The following HPCAL1 variants were observed in gnomAD, a reference collection of about 807,000 sequenced individuals.
HPCAL1 encodes the protein hippocalcin-like protein 1.
HPCAL1 carries 8 observed loss-of-function variants against 17.1 expected under a neutral mutation model. The ratio of observed to expected loss-of-function variants is 0.47; its 90% CI spans 0.27 to 0.84. HPCAL1 has a LOEUF of 0.84. Ranked by LOEUF, HPCAL1 falls within the 40% of genes least tolerant of loss-of-function variation. HPCAL1 has a pLI of 0.13. For synonymous variants in HPCAL1, 112 were observed against 111.4 expected (o/e 1.01, Z -0.03); for missense variants, 165 against 271.1 (o/e 0.61, Z 2.75).
chr2:10,349,187 A>G (rs1490095804), intron 1 of HPCAL1, among the ~76,000 whole-genome samples: 1 of 152,210 alleles, frequency 6.6e-6, no homozygotes, highest in African/African-American at 2.4e-5. Context: ...TGAATCTTCA[A>G]AAATAAATTT....
intron 2 of HPCAL1, chr2:10,406,310 C>T (rs1669965069): frequency 6.6e-6 from 1 of 152,456 alleles, no homozygotes; most frequent in Non-Finnish European, 1.5e-5. Flanking sequence ...GCCCTCAGCT[C>T]TGTCCCATCC....
chr2:10,374,568 G>A (rs1228491084), intron 1 of HPCAL1, among the ~76,000 whole-genome samples: 2 of 152,252 alleles, frequency 1.3e-5, no homozygotes, highest in Non-Finnish European at 1.5e-5. Context: ...CCATGCGGGG[G>A]ACAGGGCAAG....
At chr2:10,426,622 C>A in intron 4 of HPCAL1, 102 bp from the exon 5 acceptor site, 1 of 895,338 alleles carries the variant, frequency 1.1e-6, no homozygotes, top group Non-Finnish European at 1.9e-6. Context: ...TCAGGACTTT[C>A]AACAAAGGGA....
intron 1 of HPCAL1, among the ~76,000 whole-genome samples, chr2:10,319,734 T>TTCATTCATTCACTCATTCAC (rs1429855381): frequency 6.6e-6 from 1 of 151,898 alleles, no homozygotes; most frequent in African/African-American, 2.4e-5. Context: ...GGAGCTCCCA[T>TTCATTCATTCACTCATTCAC]TCATTCATTC....
At chr2:10,371,282 C>T (rs1336219303) in intron 1 of HPCAL1, among the ~76,000 whole-genome samples, 1 of 152,108 alleles carries the variant, frequency 6.6e-6, no homozygotes, top group Non-Finnish European at 1.5e-5. Context: ...ACTGTGCCCC[C>T]AGAACTGAGT....
chr2:10,403,012 T>C (rs1669724485), intron 2 of HPCAL1, among the ~76,000 whole-genome samples: 1 of 152,234 alleles, frequency 6.6e-6, no homozygotes, highest in African/African-American at 2.4e-5. Flanking sequence ...GACACATAAA[T>C]TCAAAATTTG....
intron 1 of HPCAL1, among the ~76,000 whole-genome samples, chr2:10,320,467 CCTG>C (rs1159915960): frequency 6.6e-6 from 1 of 152,192 alleles, no homozygotes; most frequent in Non-Finnish European, 1.5e-5. Context: ...GTAGGACGTG[CCTG>C]CTGTCCCTTC....
intron 1 of HPCAL1, among the ~76,000 whole-genome samples, chr2:10,321,922 A>G (rs1013875082): frequency 1.3e-5 from 2 of 152,246 alleles, no homozygotes; most frequent in Non-Finnish European, 2.9e-5. Context: ...CAATGCTGCG[A>G]GGAACAAGTT....
In HPCAL1 at chr2:10,419,788, G is replaced by T. The variant is rs1670919823; in HGVS notation, c.31G>T (p.Glu11Ter). The T allele has an allele frequency of 6.2e-7, 1 of 1,612,936 alleles. No individual in the cohort carries two copies. Among genetic ancestry groups the T allele is most frequent in the Non-Finnish European group, 8.5e-7 (1 of 1,179,518 alleles). ...CAAACAGAACAGCAAGCTGCGGCCC[G>T]AGGTGCTGCAGGACCTGCGGGAGAA... MGKQNSKLRP[E>*]VLQDLRENTE... is the part of the protein sequence containing the mutation. The change falls in exon 3 of 5, where the codon GAG becomes TAG. Residue 11 changes from glutamate (E) to a stop codon, truncating the protein, a stop_gained. Coordinates refer to ENST00000307845, the MANE Select transcript of HPCAL1 (RefSeq NM_002149.4). LOFTEE classifies it high-confidence loss of function. This position sits in a 1 kb window ranked among gnomAD's most constrained non-coding sequence, Gnocchi z 5.0.
At position 10,403,729 on chromosome 2, in the gene HPCAL1, C is replaced by T. The variant is rs183685941; in HGVS notation, c.-25+6809C>T. 3.5e-3 allele frequency among the ~76,000 whole-genome samples: 526 copies of T among 152,148 alleles called. 4 individuals are homozygous for T. Among genetic ancestry groups the T allele is most frequent in the Middle Eastern group, 6.8e-3 (2 of 294 alleles). On this transcript the variant is annotated intron_variant, in intron 2 of 4. Coordinates refer to ENST00000307845, the MANE Select transcript of HPCAL1 (RefSeq NM_002149.4). Reference sequence around the variant, plus strand: ...AACTCCTGACTTCAGGTGATCCGCCCACCTCACCCTCCCAAAGTGCTGGGA... The same window carrying T: ...AACTCCTGACTTCAGGTGATCCGCCTACCTCACCCTCCCAAAGTGCTGGGA...
rs1053347886 is a variant in HPCAL1 at position 10,377,227 on chromosome 2, G to A, written c.-110-19608G>A. On this transcript the variant is annotated intron_variant, in intron 1 of 4. Coordinates refer to ENST00000307845, the MANE Select transcript of HPCAL1 (RefSeq NM_002149.4). The surrounding 1 kb of genome is among the most constrained non-coding windows in gnomAD (Gnocchi z 5.9). ...TTGAGAGGTGTGAGGAGGCTGCCAC[G>A]CAGGCCGCGCCGCCCCGAATGGCAG... Among the ~76,000 whole-genome samples, 8 of 152,164 alleles carry A rather than the reference G, an allele frequency of 5.3e-5. No individual in the cohort carries two copies. The South Asian group carries it at 6.2e-4, about 12-fold the overall frequency.
chr2:10,389,661 C>T (rs528665053), intron 1 of HPCAL1, among the ~76,000 whole-genome samples: 15 of 152,354 alleles, frequency 9.8e-5, no homozygotes, highest in East Asian at 1.9e-4. Context: ...AGTAAGGCTT[C>T]GTGTCTGACT....
Position 10,303,142 on chromosome 2 carries a change from C to T in HPCAL1, c.-146C>T, listed in dbSNP as rs1163326001. On this transcript the variant is annotated 5_prime_UTR_variant, in exon 1 of 5. Coordinates refer to ENST00000307845, the MANE Select transcript of HPCAL1 (RefSeq NM_002149.4). ...CCGCCGCCGGCGCCGAACTTGGGCT[C>T]GGGAAGCCGGCGGACCGCGTCCTGC... 2 of 151,938 alleles carry T rather than the reference C, an allele frequency of 1.3e-5. No homozygotes were observed. The highest frequency in any genetic ancestry group is 2.9e-5 in the Non-Finnish European group (2 of 67,964). The allele number at this position is 151,938 out of a possible 1,614,324, so 9.4% of individuals were successfully genotyped here. A position where few individuals can be genotyped will look rare whatever the true frequency, so the allele number is the denominator to read the frequency against.
rs971265555 is a variant in HPCAL1 at position 10,345,194 on chromosome 2, T to C, written c.-111+42017T>C. Among the ~76,000 whole-genome samples, 11 of 152,350 alleles carry C rather than the reference T, an allele frequency of 7.2e-5. 1 individual carries two copies. The highest frequency in any genetic ancestry group is 1.9e-4 in the East Asian group (1 of 5,190). On this transcript the variant is annotated intron_variant, in intron 1 of 4. Coordinates refer to ENST00000307845, the MANE Select transcript of HPCAL1 (RefSeq NM_002149.4). The stretch of plus-strand genomic sequence containing the variant: ...ATCTCTCTATCTCTGTGCCTGCCTG[T>C]CTGTCTGTCTCTTTCTTTCTGTCTC...
At chr2:10,372,623 C>T (rs964058893) in intron 1 of HPCAL1, among the ~76,000 whole-genome samples, 16 of 152,318 alleles carry the variant, frequency 1.1e-4, no homozygotes, top group African/African-American at 3.8e-4. Flanking sequence ...TGCAGCCTTC[C>T]CGAAACAGCT....
chr2:10,355,236 G>A (rs1016188514), intron 1 of HPCAL1, among the ~76,000 whole-genome samples: 11 of 151,898 alleles, frequency 7.2e-5, no homozygotes, highest in Non-Finnish European at 1.6e-4. Context: ...CGGATCACGA[G>A]GTCAGGAGAT....
At chr2:10,410,481 A>G (rs573231835) in intron 2 of HPCAL1, among the ~76,000 whole-genome samples, 5 of 140,398 alleles carry the variant, frequency 3.6e-5, no homozygotes, top group South Asian at 2.3e-4. Context: ...CAGATTAAGA[A>G]CAATAGCAGG....
intron 1 of HPCAL1, among the ~76,000 whole-genome samples, chr2:10,312,023 C>T (rs1412903895): frequency 1.3e-5 from 2 of 150,188 alleles, no homozygotes; most frequent in Non-Finnish European, 3.0e-5. Flanking sequence ...GTTATCGTCA[C>T]CATTCATCAT....
intron 2 of HPCAL1, among the ~76,000 whole-genome samples, chr2:10,415,928 C>G (rs529652643): frequency 6.6e-6 from 1 of 152,338 alleles, no homozygotes; most frequent in East Asian, 1.9e-4. Flanking sequence ...CTCAGTGGCC[C>G]CACACAGCAA....
Sources: gnomAD v4.1 joint callset for allele counts (sites outside exome capture counted in the v4.1 genomes callset) on GRCh38, gnomAD v4.1.1 for gene constraint, Gnocchi (gnomAD v3.1) non-coding constraint, MANE v1.5 for transcripts, NCBI Gene and HGNC (gene_info 2026-07-23, HGNC 2026-07-21) for gene names.